Variants in WDPCP observed in about 807,000 individuals in gnomAD.
The protein encoded by WDPCP is WD repeat containing planar cell polarity effector, also known as WD repeat-containing and planar cell polarity effector protein fritz homolog.
WDPCP carries 71 observed loss-of-function variants against 93.1 expected under a neutral mutation model. The observed-to-expected ratio is 0.76, with a 90% CI of 0.63 to 0.93. WDPCP has a LOEUF of 0.93. WDPCP is among the 40% of genes least tolerant of loss of function. The pLI is 0.00. For missense variants in WDPCP, 844 were observed against 887.4 expected (o/e 0.95, Z 0.62); for synonymous variants, 315 against 315.0 (o/e 1.00, Z 0.00).
chr2:63,706,760 G>A (rs1201784344), intron 2 of WDPCP, among the ~76,000 whole-genome samples: 3 of 151,216 alleles, frequency 2.0e-5, no homozygotes, highest in African/African-American at 7.3e-5. Context: ...GGGACTACAG[G>A]CGCCCGCCAC....
intron 4 of WDPCP, among the ~76,000 whole-genome samples, chr2:63,485,778 A>G (rs1700539539): frequency 6.6e-6 from 1 of 151,808 alleles, no homozygotes; most frequent in Non-Finnish European, 1.5e-5. Flanking sequence ...ATTCTAAATG[A>G]GTTATATGTG....
At chr2:63,185,971 G>A (rs1674608717) in intron 14 of WDPCP, among the ~76,000 whole-genome samples, 1 of 152,088 alleles carries the variant, frequency 6.6e-6, no homozygotes, top group Admixed American at 6.6e-5. Context: ...GAGAGTTTAG[G>A]GAGCAGTCAC....
chr2:63,707,713 G>C (rs892287653), intron 2 of WDPCP, among the ~76,000 whole-genome samples: 2 of 152,206 alleles, frequency 1.3e-5, no homozygotes, highest in Non-Finnish European at 2.9e-5. Context: ...CTGATTTTTA[G>C]AGTTTCCGGT....
chr2:63,766,973 C>G (rs1670152160), intron 2 of WDPCP, among the ~76,000 whole-genome samples: 2 of 152,064 alleles, frequency 1.3e-5, no homozygotes, highest in Non-Finnish European at 2.9e-5. Flanking sequence ...CTAAGTTCAT[C>G]TTGTCCTTTT....
At chr2:63,282,177 A>T (rs1683609826) in intron 13 of WDPCP, among the ~76,000 whole-genome samples, 1 of 152,186 alleles carries the variant, frequency 6.6e-6, no homozygotes, top group South Asian at 2.1e-4. Context: ...TATAATACAA[A>T]GTTATGGTAA....
At chr2:63,265,570 T>G (rs756895318) in intron 13 of WDPCP, among the ~76,000 whole-genome samples, 1 of 152,212 alleles carries the variant, frequency 6.6e-6, no homozygotes, top group Non-Finnish European at 1.5e-5. Flanking sequence ...GTTTCACTGC[T>G]GAATTATACC....
At chr2:63,790,665 C>T (rs1670531269) in intron 2 of WDPCP, among the ~76,000 whole-genome samples, 2 of 152,118 alleles carry the variant, frequency 1.3e-5, no homozygotes, top group South Asian at 4.1e-4. Context: ...AAGGGAACTG[C>T]AGAAACTTGG....
At chr2:63,745,374 C>T (rs997112219) in intron 2 of WDPCP, among the ~76,000 whole-genome samples, 4 of 152,138 alleles carry the variant, frequency 2.6e-5, no homozygotes, top group South Asian at 2.1e-4. Context: ...ACTGAATGAT[C>T]GTATCAACTG....
intron 10 of WDPCP, among the ~76,000 whole-genome samples, chr2:63,392,370 T>G (rs1233572706): frequency 6.6e-6 from 1 of 152,224 alleles, no homozygotes; most frequent in Admixed American, 6.5e-5. Flanking sequence ...CCTTACACCT[T>G]ATACAAAAGT....
intron 13 of WDPCP, among the ~76,000 whole-genome samples, chr2:63,311,125 A>G (rs543837284): frequency 1.3e-5 from 2 of 152,298 alleles, no homozygotes; most frequent in East Asian, 3.9e-4. Flanking sequence ...TAATATGCTA[A>G]TGCAAAAAGG....
At chr2:63,383,249 C>T (rs530250220) in intron 10 of WDPCP, among the ~76,000 whole-genome samples, 1 of 152,070 alleles carries the variant, frequency 6.6e-6, no homozygotes, top group South Asian at 2.1e-4. Flanking sequence ...AATAACAAGA[C>T]ATTTTAAAAG....
intron 2 of WDPCP, among the ~76,000 whole-genome samples, chr2:63,665,858 A>G (rs939595322): frequency 1.3e-5 from 2 of 152,242 alleles, no homozygotes; most frequent in Non-Finnish European, 2.9e-5. Flanking sequence ...CTTTCCCTAC[A>G]CAGGAAGGCA....
chr2:63,313,886 A>ATATATGTGTGTGTGTATATATATATATAT, intron 12 of WDPCP, among the ~76,000 whole-genome samples: 1 of 74,500 alleles, frequency 1.3e-5, no homozygotes, highest in African/African-American at 5.2e-5. Context: ...ATATATATAT[A>ATATATGTGTGTGTGTATATATATATATAT]TTTTTTTTTT....
chr2:63,630,616 A>G (rs1216559963), intron 3 of WDPCP, among the ~76,000 whole-genome samples: 12 of 152,186 alleles, frequency 7.9e-5, no homozygotes, highest in Admixed American at 7.9e-4. Context: ...AGAGATGCAA[A>G]ATATGTGAAG....
At chr2:63,819,295 TTC>T (rs772266744) in intron 1 of WDPCP, among the ~76,000 whole-genome samples, 5 of 152,208 alleles carry the variant, frequency 3.3e-5, no homozygotes, top group Admixed American at 6.5e-5. Flanking sequence ...CTGATTATTT[TTC>T]TGTGACCTTT....
At chr2:63,316,679 TAAAAG>T (rs1369190614) in intron 12 of WDPCP, among the ~76,000 whole-genome samples, 4 of 150,466 alleles carry the variant, frequency 2.7e-5, no homozygotes, top group African/African-American at 9.8e-5. Flanking sequence ...TAAATAAAAA[TAAAAG>T]AAAAAAAACT....
chr2:63,386,496 A>G (rs917067175), intron 10 of WDPCP, among the ~76,000 whole-genome samples: 1 of 152,110 alleles, frequency 6.6e-6, no homozygotes, highest in Non-Finnish European at 1.5e-5. Flanking sequence ...GCAAATTAGT[A>G]CCACAACACA....
rs1439554090 is a variant in WDPCP at position 63,378,404 on chromosome 2, A to C, written c.1730T>G (p.Phe577Cys). 7 of 1,613,000 alleles carry C rather than the reference A, an allele frequency of 4.3e-6. No individual in the cohort carries two copies. The highest frequency in any genetic ancestry group is 1.1e-5 in the South Asian group (1 of 91,076). Residue 577 changes from phenylalanine (F) to cysteine (C), a missense_variant, in exon 12 of 18, where the codon TTC becomes TGC. Phe to Cys is a radical substitution (Grantham distance 205). Transcript: ENST00000272321. ...RDQISKYARR[F>C]FHHLLRYQRF... Reference sequence around the variant, plus strand: ...CATTCACCTGAGCAAGTGATGGAAGAATCTCCTTGCATATTTGCTGATTTG... The same window carrying C: ...CATTCACCTGAGCAAGTGATGGAAGCATCTCCTTGCATATTTGCTGATTTG...
At chr2:63,604,574 C>A in intron 3 of WDPCP, 2 of 762,424 alleles carry the variant, frequency 2.6e-6, no homozygotes, top group South Asian at 3.8e-5. Flanking sequence ...CAATATAACT[C>A]TTGTGTTCTC....
Sources: gnomAD v4.1 joint callset for allele counts (sites outside exome capture counted in the v4.1 genomes callset) on GRCh38, gnomAD v4.1.1 for gene constraint, MANE v1.5 for transcripts, NCBI Gene and HGNC (gene_info 2026-07-23, HGNC 2026-07-21) for gene names.